NFATC1: variants seen among roughly 807,000 people sequenced by gnomAD.
NFATC1 encodes the protein nuclear factor of activated T cells 1, also known as nuclear factor of activated T-cells, cytoplasmic 1.
Under a neutral mutation model 76.0 loss-of-function variants are expected in NFATC1, and 22 were observed. The observed-to-expected ratio is 0.29, with a 90% confidence interval of 0.21 to 0.41. NFATC1 has a LOEUF of 0.41. Ranked by LOEUF, NFATC1 falls within the 10% of genes least tolerant of loss-of-function variation. The pLI is 1.00. For missense variants in NFATC1, 1,357 were observed against 1,337.7 expected, an observed-to-expected ratio of 1.01 and a Z score of -0.23; for synonymous variants, 704 against 613.1, an observed-to-expected ratio of 1.15 and a Z score of -2.19.
intron 3 of NFATC1, among the ~76,000 whole-genome samples, chr18:79,436,530 G>A (rs568017665): frequency 2.4e-4 from 37 of 152,172 alleles, no homozygotes; most frequent in Non-Finnish European, 4.3e-4. Context: ...CCGTCCTCCC[G>A]CACCCGGCGT....
intron 2 of NFATC1, 21 bp from the exon 3 acceptor site, chr18:79,433,558 C>G: frequency 6.2e-7 from 1 of 1,612,564 alleles, no homozygotes; most frequent in Non-Finnish European, 8.5e-7. Flanking sequence ...TGAACGCCTC[C>G]TCTGCTCTGT....
chr18:79,425,879 G>A (rs1243671378), intron 2 of NFATC1, among the ~76,000 whole-genome samples: 4 of 152,198 alleles, frequency 2.6e-5, no homozygotes, highest in Admixed American at 6.5e-5. Context: ...AACAAACACC[G>A]TTCACTGTAG....
At chr18:79,453,548 T>C (rs2087563485) in intron 6 of NFATC1, among the ~76,000 whole-genome samples, 1 of 152,174 alleles carries the variant, frequency 6.6e-6, no homozygotes, top group African/African-American at 2.4e-5. Context: ...GCCGGAGGGG[T>C]ACCTGTTCTG....
chr18:79,469,223 C>A, intron 8 of NFATC1: 1 of 548,430 alleles, frequency 1.8e-6, no homozygotes, highest in Non-Finnish European at 2.3e-6. Flanking sequence ...AAACTTCAAG[C>A]ATGGTTGACC....
chr18:79,483,918 G>C (rs1569018780), intron 8 of NFATC1, among the ~76,000 whole-genome samples: 1 of 148,008 alleles, frequency 6.8e-6, no homozygotes, highest in African/African-American at 2.5e-5. Flanking sequence ...TGGTTCCTGG[G>C]GTGTCACTCC....
Position 79,487,018 on chromosome 18 carries a change from G to T in NFATC1, c.2782+81G>T, listed in dbSNP as rs935608215. On this transcript the variant is annotated intron_variant, in intron 9 of 9. Transcript: ENST00000427363. ...CATGGAGGGGCCGTGTGCGTGCTGC[G>T]TGTGTGGCACGTGTGGAAGTGCACC... is the stretch of plus-strand genomic sequence containing the variant. The T allele has an allele frequency of 2.3e-5, 33 of 1,428,396 alleles. No individual in the cohort carries two copies. In the African/African-American group the frequency reaches 4.4e-4, roughly 19 times the overall value. The allele number at this position is 1,428,396 out of a possible 1,614,324, so 88.5% of individuals were successfully genotyped here.
chr18:79,410,391 T>A lies in NFATC1; in HGVS notation c.128-12T>A, dbSNP rs376982606. On this transcript the variant is annotated splice_polypyrimidine_tract_variant and intron_variant, in intron 1 of 9. Transcript: ENST00000427363. The surrounding 1 kb of genome is among the most constrained non-coding windows in gnomAD (Gnocchi z 6.7). ...GCCCCTCATGCTCCCATCTGCTTCT[T>A]TTTCTCTCTAGAACACTATGGCTAT... The A allele has an allele frequency of 1.1e-4, 182 of 1,591,716 alleles. No individual in the cohort carries two copies. The highest frequency in any genetic ancestry group is 1.5e-4 in the Non-Finnish European group (173 of 1,168,626).
At chr18:79,523,684 T>G (rs925804081) in intron 9 of NFATC1, among the ~76,000 whole-genome samples, 1 of 152,122 alleles carries the variant, frequency 6.6e-6, no homozygotes, top group Non-Finnish European at 1.5e-5. Context: ...TGAGTGTGGG[T>G]GTGTGGATGT....
At chr18:79,502,813 A>G (rs2090041963) in intron 9 of NFATC1, among the ~76,000 whole-genome samples, 1 of 152,246 alleles carries the variant, frequency 6.6e-6, no homozygotes, top group Non-Finnish European at 1.5e-5. Flanking sequence ...AGGAGATAAG[A>G]TAGACAACAG....
Position 79,410,368 on chromosome 18 carries a change from C to G in NFATC1, c.128-35C>G, listed in dbSNP as rs2085622654. 1.9e-6 allele frequency: 3 copies of G among 1,566,448 alleles called. No homozygotes were observed. The highest frequency in any genetic ancestry group is 2.6e-6 in the Non-Finnish European group (3 of 1,157,544). On this transcript the variant is annotated intron_variant, in intron 1 of 9. Transcript: ENST00000427363. The surrounding 1 kb of genome is among the most constrained non-coding windows in gnomAD (Gnocchi z 6.7). ...GGGTTTCTGCTTTGTGATGCCCAGC[C>G]CCTCATGCTCCCATCTGCTTCTTTT...
chr18:79,462,955 G>A lies in NFATC1; in HGVS notation c.1959+1589G>A, dbSNP rs964538576. ...GACACCGGGGAGGAGTCTTGAGGTC[G>A]TCTCCTGTTGGTGGGACGATCGGTG... On this transcript the variant is annotated intron_variant, in intron 7 of 9. Transcript: ENST00000427363. Among the ~76,000 whole-genome samples the A allele has an allele frequency of 3.2e-4, 49 of 152,322 alleles. 2 individuals are homozygous for A. The highest frequency in any genetic ancestry group is 1.2e-3 in the Admixed American group (19 of 15,298).
At position 79,411,317 on chromosome 18, in the gene NFATC1, C is replaced by T; in HGVS notation, c.1042C>T (p.Leu348Phe). The T allele has an allele frequency of 6.2e-7, 1 of 1,602,810 alleles. No homozygotes were observed. Among genetic ancestry groups the T allele is most frequent in the South Asian group, 1.1e-5 (1 of 90,618 alleles). Reference protein sequence around the residue: ...TTLEQPPSVALKVEPVGEDLG... With the variant: ...TTLEQPPSVAFKVEPVGEDLG... ...CCTGGAGCAGCCGCCCTCAGTGGCG[C>T]TCAAGGTGGAGCCCGTCGGGGAGGA... The change falls in exon 2 of 10, where the codon CTC (leucine) becomes TTC (phenylalanine). Residue 348 changes from leucine (L) to phenylalanine (F), a missense_variant. Around this residue, in one of 3 missense-constraint regions of NFATC1, gnomAD observed 691 missense variants for 613.1 expected, o/e 1.13. Coordinates refer to ENST00000427363, the MANE Select transcript of NFATC1 (RefSeq NM_001278669.2).
At chr18:79,398,811 G>A (rs1187150002) in intron 1 of NFATC1, among the ~76,000 whole-genome samples, 1 of 152,266 alleles carries the variant, frequency 6.6e-6, no homozygotes, top group Non-Finnish European at 1.5e-5. Flanking sequence ...GCTCACGCCT[G>A]TAATCCCAGC....
intron 9 of NFATC1, chr18:79,493,445 C>G (rs1159832281): frequency 6.6e-6 from 1 of 152,264 alleles, no homozygotes; most frequent in Non-Finnish European, 1.5e-5. Flanking sequence ...CGGGCGCCTC[C>G]CCGTGTCCCC....
rs763849540 is a variant in NFATC1 at position 79,451,663 on chromosome 18, CCTT to C, written c.1763-10_1763-8del. 3.2e-6 allele frequency: 5 copies of C among 1,579,382 alleles called. No homozygotes were observed. Among genetic ancestry groups the C allele is most frequent in the South Asian group, 2.3e-5 (2 of 85,216 alleles). On this transcript the variant is annotated splice_polypyrimidine_tract_variant and intron_variant, in intron 5 of 9. Coordinates refer to ENST00000427363, the MANE Select transcript of NFATC1 (RefSeq NM_001278669.2). ...CAGGACAGGCCCTCACTGCCCCTCT[CCTT>C]CTGATGCAGCCCAGCGCTCAGCTCA... is the stretch of plus-strand genomic sequence containing the variant.
At chr18:79,401,261 C>G (rs1317627168) in intron 1 of NFATC1, among the ~76,000 whole-genome samples, 8 of 151,982 alleles carry the variant, frequency 5.3e-5, no homozygotes, top group African/African-American at 1.9e-4. Flanking sequence ...GTCTGCCCTC[C>G]CCGCGCGGAG....
At chr18:79,493,619 A>G (rs984059990) in intron 9 of NFATC1, 4 of 152,184 alleles carry the variant, frequency 2.6e-5, no homozygotes, top group Non-Finnish European at 5.9e-5. Flanking sequence ...GCCCCTCCTG[A>G]GCCGGAGCTG....
intron 2 of NFATC1, among the ~76,000 whole-genome samples, chr18:79,411,736 C>G (rs944510779): frequency 6.6e-6 from 1 of 152,230 alleles, no homozygotes; most frequent in Non-Finnish European, 1.5e-5. Flanking sequence ...TGCGCGTTTC[C>G]CATCTGAAGT....
intron 3 of NFATC1, 185 bp from the exon 4 acceptor site, chr18:79,448,597 T>C: frequency 1.6e-6 from 1 of 628,192 alleles, no homozygotes. Context: ...CCAGGTCCAT[T>C]GGGATAACAA....
Sources: allele counts gnomAD v4.1 joint callset (sites outside exome capture counted in the v4.1 genomes callset), GRCh38; gene constraint gnomAD v4.1.1; regional missense constraint gnomAD v4.1.1; non-coding constraint Gnocchi (gnomAD v3.1); transcripts MANE v1.5; gene names NCBI Gene and HGNC (gene_info 2026-07-23, HGNC 2026-07-21).